Variants in SDK1 observed in about 807,000 individuals in gnomAD.
The protein encoded by SDK1 is sidekick cell adhesion molecule 1, also known as protein sidekick-1.
SDK1 carries 157 observed loss-of-function variants against 245.5 expected under a neutral mutation model. The observed-to-expected ratio is 0.64, with a 90% CI of 0.56 to 0.73. The LOEUF (loss-of-function observed/expected upper bound fraction) is 0.73, where lower values mean the gene tolerates loss of function less well. Among genes scored for constraint, SDK1 ranks in the 30% least tolerant of loss-of-function variants. The pLI is 0.00. For missense variants in SDK1, 3,583 were observed against 3,002.3 expected, an observed-to-expected ratio of 1.19 and a Z score of -4.52; for synonymous variants, 1,647 against 1,278.5, an observed-to-expected ratio of 1.29 and a Z score of -6.15.
At chr7:3,595,582 C>G (rs1781027310) in intron 1 of SDK1, among the ~76,000 whole-genome samples, 1 of 151,880 alleles carries the variant, frequency 6.6e-6, no homozygotes, top group African/African-American at 2.4e-5. Flanking sequence ...TTTTAGTTTA[C>G]ATTCTGAATC....
At chr7:3,903,585 C>G (rs1781865654) in intron 5 of SDK1, among the ~76,000 whole-genome samples, 1 of 152,110 alleles carries the variant, frequency 6.6e-6, no homozygotes, top group South Asian at 2.1e-4. Flanking sequence ...AAGTTAAATA[C>G]AGAGTTACTA....
intron 4 of SDK1, among the ~76,000 whole-genome samples, chr7:3,684,241 G>C (rs1247222920): frequency 1.3e-5 from 2 of 152,178 alleles, no homozygotes; most frequent in African/African-American, 4.8e-5. Flanking sequence ...AGCTGTGCAA[G>C]TTAACTATTA....
At chr7:4,128,961 T>C (rs35351376) in intron 26 of SDK1, among the ~76,000 whole-genome samples, 14,553 of 68,708 alleles carry the variant, frequency 0.21, 1,024 homozygotes, top group East Asian at 0.47. Context: ...CAGCTTGGGG[T>C]GGGGTCCCCT....
chr7:3,915,817 G>C, intron 5 of SDK1, among the ~76,000 whole-genome samples: 1 of 152,122 alleles, frequency 6.6e-6, no homozygotes, highest in Non-Finnish European at 1.5e-5. Flanking sequence ...CTTCCACCCA[G>C]ACCACTGTAT....
intron 22 of SDK1, among the ~76,000 whole-genome samples, chr7:4,093,745 C>T (rs564589214): frequency 6.6e-6 from 1 of 152,218 alleles, no homozygotes; most frequent in Non-Finnish European, 1.5e-5. Context: ...AACACTGTCT[C>T]TCTCCTAAGC....
chr7:4,168,090 G>A (rs1207612442), intron 32 of SDK1, among the ~76,000 whole-genome samples: 2 of 152,184 alleles, frequency 1.3e-5, no homozygotes, highest in African/African-American at 2.4e-5. Context: ...AGGCAGGCCC[G>A]GGCATCTCTG....
intron 22 of SDK1, among the ~76,000 whole-genome samples, chr7:4,107,152 T>A (rs991549480): frequency 8.4e-4 from 3 of 3,560 alleles, no homozygotes; most frequent in Admixed American, 3.2e-3. Flanking sequence ...GTGGGGAGGG[T>A]GGGGAGGGTG....
intron 28 of SDK1, among the ~76,000 whole-genome samples, chr7:4,139,800 G>T (rs946813279): frequency 6.6e-6 from 1 of 152,030 alleles, no homozygotes; most frequent in Non-Finnish European, 1.5e-5. Flanking sequence ...CTATGGGACT[G>T]AGGGGCTGAG....
intron 10 of SDK1, among the ~76,000 whole-genome samples, chr7:3,968,866 C>T (rs902737985): frequency 2.0e-5 from 3 of 152,120 alleles, no homozygotes; most frequent in African/African-American, 7.2e-5. Flanking sequence ...TGAGACTGGG[C>T]AATTTACAAA....
At chr7:3,377,885 T>C (rs1277149400) in intron 1 of SDK1, among the ~76,000 whole-genome samples, 1 of 152,122 alleles carries the variant, frequency 6.6e-6, no homozygotes, top group East Asian at 1.9e-4. Context: ...CTCAAGCAAT[T>C]CTCCTGCGTC....
At chr7:3,990,803 C>G (rs750291) in intron 14 of SDK1, among the ~76,000 whole-genome samples, 4 of 152,110 alleles carry the variant, frequency 2.6e-5, no homozygotes, top group African/African-American at 9.7e-5. Context: ...CAGAGGCATT[C>G]TACCTTCCCC....
At chr7:3,965,737 A>G (rs1782035644) in intron 9 of SDK1, among the ~76,000 whole-genome samples, 1 of 137,382 alleles carries the variant, frequency 7.3e-6, no homozygotes, top group African/African-American at 2.8e-5. Flanking sequence ...GTGCTGCAGA[A>G]AAGGGGAGCA....
At chr7:3,748,952 T>C (rs1291565338) in intron 4 of SDK1, among the ~76,000 whole-genome samples, 1 of 152,182 alleles carries the variant, frequency 6.6e-6, no homozygotes, top group Admixed American at 6.5e-5. Context: ...TTCTAGTTTG[T>C]GGTAGGTTTC....
At chr7:3,837,694 G>C (rs1467477934) in intron 5 of SDK1, among the ~76,000 whole-genome samples, 3 of 152,210 alleles carry the variant, frequency 2.0e-5, no homozygotes, top group African/African-American at 7.2e-5. Flanking sequence ...TGTGATGATG[G>C]AAATGTTCTC....
chr7:3,674,406 AG>A (rs1242999217), intron 4 of SDK1, among the ~76,000 whole-genome samples: 1 of 152,092 alleles, frequency 6.6e-6, no homozygotes, highest in Non-Finnish European at 1.5e-5. Context: ...TCAGCAGGGG[AG>A]GACCAGCCTT....
chr7:3,338,579 T>G (rs1376376519), intron 1 of SDK1: 2 of 272,458 alleles, frequency 7.3e-6, no homozygotes, highest in Non-Finnish European at 1.4e-5. Context: ...CTGGGGTGTC[T>G]CTCCTATGAA....
intron 1 of SDK1, among the ~76,000 whole-genome samples, chr7:3,441,028 C>T (rs1174403720): frequency 4.6e-5 from 7 of 152,144 alleles, no homozygotes; most frequent in Non-Finnish European, 8.8e-5. Flanking sequence ...CCTAATGCTG[C>T]GTCACAATGC....
intron 1 of SDK1, among the ~76,000 whole-genome samples, chr7:3,517,102 C>T (rs1198066226): frequency 6.6e-6 from 1 of 152,122 alleles, no homozygotes; most frequent in Admixed American, 6.6e-5. Context: ...AAAATCATTA[C>T]TGAACCTAGT....
At chr7:3,511,521 C>G (rs1326722563) in intron 1 of SDK1, among the ~76,000 whole-genome samples, 1 of 152,078 alleles carries the variant, frequency 6.6e-6, no homozygotes, top group Non-Finnish European at 1.5e-5. Flanking sequence ...ATTTATTAGT[C>G]AAATTGTCAG....
Sources: allele counts gnomAD v4.1 joint callset (sites outside exome capture counted in the v4.1 genomes callset), GRCh38; gene constraint gnomAD v4.1.1; transcripts MANE v1.5; gene names NCBI Gene and HGNC (gene_info 2026-07-23, HGNC 2026-07-21).